Variants in PFDN1 observed in about 807,000 individuals in gnomAD.
The protein encoded by PFDN1 is prefoldin 1.
A neutral mutation model predicts 17.3 loss-of-function variants in PFDN1; 6 were observed. The observed-to-expected ratio is 0.35, with a 90% CI of 0.19 to 0.69. The LOEUF is 0.69. PFDN1 is among the 30% of genes least tolerant of loss of function. PFDN1 has a pLI of 0.65. For synonymous variants in PFDN1, 58 were observed against 50.1 expected, an observed-to-expected ratio of 1.16 and a Z score of -0.67; for missense variants, 113 against 146.2, an observed-to-expected ratio of 0.77 and a Z score of 1.17.
chr5:140,297,008 ATG>A (rs1300461799), intron 2 of PFDN1, among the ~76,000 whole-genome samples: 1 of 152,218 alleles, frequency 6.6e-6, no homozygotes, highest in African/African-American at 2.4e-5. Context: ...AAGAATATTG[ATG>A]TGATTAATTC....
intron 3 of PFDN1, among the ~76,000 whole-genome samples, chr5:140,249,614 GGTTT>G (rs1764882721): frequency 6.6e-6 from 1 of 152,164 alleles, no homozygotes. Flanking sequence ...GAAGAAAAGA[GGTTT>G]GTTTGGCCCA....
chr5:140,255,765 C>T (rs1764976761), intron 3 of PFDN1, among the ~76,000 whole-genome samples: 1 of 152,192 alleles, frequency 6.6e-6, no homozygotes, highest in Admixed American at 6.5e-5. Context: ...CTATTTCTTA[C>T]TCTGCAAGAT....
rs529981413 is a variant in PFDN1, at chr5:140,269,138, C to G, written c.285+12311G>C. On this transcript the variant is annotated intron_variant, in intron 3 of 3. Coordinates refer to ENST00000261813, the MANE Select transcript of PFDN1 (RefSeq NM_002622.5). ...AGCAATCCTCCCACCTCAGCCTCTG[C>G]AGTAGCTGGGACCACAGGCATGCAC... Among the ~76,000 whole-genome samples the G allele has an allele frequency of 1.1e-4, 17 of 152,162 alleles. No individual in the cohort carries two copies. In the East Asian group the frequency reaches 3.3e-3, roughly 29 times the overall value.
At chr5:140,249,997 C>A (rs1311245389) in intron 3 of PFDN1, among the ~76,000 whole-genome samples, 1 of 152,084 alleles carries the variant, frequency 6.6e-6, no homozygotes, top group Non-Finnish European at 1.5e-5. Flanking sequence ...CTATGCACAC[C>A]ACAGCAGGGG....
intron 2 of PFDN1, among the ~76,000 whole-genome samples, chr5:140,289,212 G>A (rs185029927): frequency 9.8e-4 from 149 of 151,866 alleles, no homozygotes; most frequent in African/African-American, 3.6e-3. Context: ...CTTGAGCCCA[G>A]GAGGTCAAGG....
chr5:140,245,933 G>C lies in PFDN1; in HGVS notation c.*41C>G, dbSNP rs946153555. The C allele has an allele frequency of 8.8e-7, 1 of 1,140,916 alleles. No homozygotes were observed. Among genetic ancestry groups the C allele is most frequent in the Non-Finnish European group, 1.3e-6 (1 of 772,922 alleles). 70.7% of individuals were successfully genotyped at this position (1,140,916 alleles called of 1,614,324 possible). A position where few individuals can be genotyped will look rare whatever the true frequency, so the allele number is the denominator to read the frequency against. On this transcript the variant is annotated 3_prime_UTR_variant, in exon 4 of 4. Transcript: ENST00000261813. ...GCAGACACTCCTCTGCCCCCACCAG[G>C]AATGGGAGGGGCAGGAGGAAGAGCT...
At chr5:140,273,682 G>A (rs1765246640) in intron 3 of PFDN1, among the ~76,000 whole-genome samples, 1 of 151,868 alleles carries the variant, frequency 6.6e-6, no homozygotes, top group African/African-American at 2.4e-5. Context: ...CATATGATAT[G>A]GGCTGGGGAG....
At chr5:140,259,470 A>C (rs1185826207) in intron 3 of PFDN1, among the ~76,000 whole-genome samples, 1 of 152,222 alleles carries the variant, frequency 6.6e-6, no homozygotes. Flanking sequence ...CAAAAAGTCA[A>C]GTGCTCTTCA....
At chr5:140,251,978 C>G (rs1056804490) in intron 3 of PFDN1, among the ~76,000 whole-genome samples, 2 of 151,034 alleles carry the variant, frequency 1.3e-5, no homozygotes, top group Non-Finnish European at 2.9e-5. Flanking sequence ...AGCTCTCCTT[C>G]TCTAAATTAG....
intron 3 of PFDN1, among the ~76,000 whole-genome samples, chr5:140,261,057 G>A (rs1765057751): frequency 6.6e-6 from 1 of 150,834 alleles, no homozygotes; most frequent in Non-Finnish European, 1.5e-5. Flanking sequence ...AGCTACTCAG[G>A]AGGCTAAGGC....
intron 3 of PFDN1, chr5:140,265,611 G>C (rs573991890): frequency 1.3e-5 from 2 of 151,800 alleles, no homozygotes; most frequent in African/African-American, 4.8e-5. Context: ...AATTAGTTTT[G>C]GGGGAAAAAA....
At chr5:140,292,264 T>C (rs905745417) in intron 2 of PFDN1, among the ~76,000 whole-genome samples, 4 of 152,164 alleles carry the variant, frequency 2.6e-5, no homozygotes, top group African/African-American at 9.7e-5. Flanking sequence ...AATATAGCAA[T>C]AGATAAAATA....
rs757966331 is a variant in PFDN1 at position 140,300,529 on chromosome 5, G to A, written c.87C>T (p.Leu29=). 7.4e-6 allele frequency: 12 copies of A among 1,612,532 alleles called. No homozygotes were observed. The highest frequency in any genetic ancestry group is 1.6e-4 in the Middle Eastern group (1 of 6,082). ...KVIDTQQKVK[L]ADIQIEQLNR... is the part of the protein sequence containing the mutation. Reference sequence around the variant, plus strand: ...TTAGCTGTTCAATCTGTATGTCTGCGAGCTTCACCTTCTGTTGAGTGTCAA... The same window carrying A: ...TTAGCTGTTCAATCTGTATGTCTGCAAGCTTCACCTTCTGTTGAGTGTCAA... The change falls in exon 2 of 4, where the codon CTC becomes CTT. Residue 29 remains leucine, a synonymous_variant. Coordinates refer to ENST00000261813, the MANE Select transcript of PFDN1 (RefSeq NM_002622.5).
intron 3 of PFDN1, among the ~76,000 whole-genome samples, chr5:140,273,575 C>A (rs1436826311): frequency 6.6e-6 from 1 of 152,128 alleles, no homozygotes; most frequent in East Asian, 1.9e-4. Flanking sequence ...CGCCATTCTT[C>A]CTATTTATTT....
At chr5:140,279,180 G>A (rs970863353) in intron 3 of PFDN1, among the ~76,000 whole-genome samples, 1 of 152,148 alleles carries the variant, frequency 6.6e-6, no homozygotes, top group Non-Finnish European at 1.5e-5. Context: ...TAGAAGTTTG[G>A]AATGATACAG....
intron 3 of PFDN1, chr5:140,273,955 A>G (rs1054114420): frequency 7.6e-6 from 7 of 920,724 alleles, no homozygotes; most frequent in Non-Finnish European, 7.8e-6. Context: ...AAAAAAACAT[A>G]AGGCAATGGT....
intron 1 of PFDN1, 107 bp from the exon 2 acceptor site, chr5:140,300,689 T>G: frequency 1.4e-6 from 1 of 696,636 alleles, no homozygotes; most frequent in East Asian, 2.7e-5. Flanking sequence ...GACAAAGCTG[T>G]GAAATTTACC....
chr5:140,269,773 T>C (rs1331661361), intron 3 of PFDN1, among the ~76,000 whole-genome samples: 1 of 152,214 alleles, frequency 6.6e-6, no homozygotes, highest in African/African-American at 2.4e-5. Flanking sequence ...TTAATAGAAG[T>C]GACTGGAGTG....
intron 2 of PFDN1, chr5:140,292,813 G>A (rs772968860): frequency 6.6e-6 from 1 of 152,050 alleles, no homozygotes; most frequent in Non-Finnish European, 1.5e-5. Context: ...TATATTTGCA[G>A]TTAACAGCAA....
Sources: gnomAD v4.1 joint callset for allele counts (sites outside exome capture counted in the v4.1 genomes callset) on GRCh38, gnomAD v4.1.1 for gene constraint, MANE v1.5 for transcripts, NCBI Gene and HGNC (gene_info 2026-07-23, HGNC 2026-07-21) for gene names.